Variants in SNTG2 observed in about 807,000 individuals in gnomAD.
SNTG2 encodes the protein syntrophin gamma 2.
A neutral mutation model predicts 70.9 loss-of-function variants in SNTG2; 74 were observed. The observed-to-expected ratio is 1.04, with a 90% CI of 0.86 to 1.27. The LOEUF (loss-of-function observed/expected upper bound fraction) is 1.27. Ranked by LOEUF, SNTG2 falls within the 50% of genes most tolerant of loss-of-function variation. The pLI is 0.00. For synonymous variants in SNTG2, 278 were observed against 273.8 expected (o/e 1.02, Z -0.15); for missense variants, 717 against 690.7 (o/e 1.04, Z -0.43).
chr2:1,173,552 G>A (rs1443373423), intron 8 of SNTG2, among the ~76,000 whole-genome samples: 2 of 152,240 alleles, frequency 1.3e-5, no homozygotes, highest in Non-Finnish European at 2.9e-5. Context: ...CACCTAAGGA[G>A]GTATGAACAC....
chr2:1,000,300 T>C (rs1347636601), intron 1 of SNTG2, among the ~76,000 whole-genome samples: 2 of 151,414 alleles, frequency 1.3e-5, no homozygotes, highest in African/African-American at 2.4e-5. Context: ...CCAAATAAAA[T>C]TGAGACCAAA....
At chr2:985,245 G>C (rs540632557) in intron 1 of SNTG2, among the ~76,000 whole-genome samples, 1 of 152,062 alleles carries the variant, frequency 6.6e-6, no homozygotes, top group South Asian at 2.1e-4. Context: ...AAAGAAAAGC[G>C]ACGGAAATGC....
intron 8 of SNTG2, among the ~76,000 whole-genome samples, chr2:1,204,450 C>T (rs986231885): frequency 6.6e-6 from 1 of 152,218 alleles, no homozygotes; most frequent in Admixed American, 6.5e-5. Flanking sequence ...TGATGCCTCT[C>T]TTATCTGTAG....
At chr2:1,057,118 GCAAGCA>G (rs1205915591) in intron 1 of SNTG2, among the ~76,000 whole-genome samples, 7 of 152,054 alleles carry the variant, frequency 4.6e-5, no homozygotes, top group Non-Finnish European at 8.8e-5. Context: ...GGCCTGTCCT[GCAAGCA>G]GCTGGCCTAT....
chr2:951,107 C>A, intron 1 of SNTG2, 39 bp downstream of exon 1: 1 of 1,084,614 alleles, frequency 9.2e-7, no homozygotes, highest in Non-Finnish European at 1.2e-6. Context: ...CCTCCGGCCC[C>A]CCTTCCCTCT....
At chr2:1,105,936 G>A (rs1666096962) in intron 4 of SNTG2, among the ~76,000 whole-genome samples, 1 of 152,206 alleles carries the variant, frequency 6.6e-6, no homozygotes, top group Admixed American at 6.5e-5. Context: ...CCCTGACCCC[G>A]AGGCCTCTCA....
At chr2:1,118,898 T>G (rs536638614) in intron 4 of SNTG2, among the ~76,000 whole-genome samples, 39 of 152,278 alleles carry the variant, frequency 2.6e-4, no homozygotes, top group African/African-American at 8.2e-4. Context: ...TTGGGAGAGA[T>G]ATGGGCATTC....
chr2:1,214,679 GCAAA>G (rs1674264783), intron 9 of SNTG2, among the ~76,000 whole-genome samples: 3 of 152,070 alleles, frequency 2.0e-5, no homozygotes, highest in East Asian at 3.9e-4. Context: ...TATGTCATCA[GCAAA>G]CAGAGACAAT....
chr2:1,304,783 T>C (rs1433107458), intron 14 of SNTG2, among the ~76,000 whole-genome samples: 1 of 152,114 alleles, frequency 6.6e-6, no homozygotes, highest in Non-Finnish European at 1.5e-5. Flanking sequence ...TTTTTCTTTC[T>C]TTTTTTAACT....
chr2:1,237,413 G>A (rs894524546), intron 9 of SNTG2, among the ~76,000 whole-genome samples: 1 of 152,174 alleles, frequency 6.6e-6, no homozygotes, highest in Non-Finnish European at 1.5e-5. Flanking sequence ...TTCTCAGCAA[G>A]TGGAGTGTCA....
At chr2:1,357,846 C>T (rs1293722459) in intron 16 of SNTG2, among the ~76,000 whole-genome samples, 3 of 151,328 alleles carry the variant, frequency 2.0e-5, no homozygotes, top group Admixed American at 6.6e-5. Flanking sequence ...TCTTCTGTGG[C>T]ATCATTTATG....
chr2:974,261 A>G lies in SNTG2; in HGVS notation c.72+23193A>G, dbSNP rs576599300. Reference sequence around the variant, plus strand: ...GGGCTGCTCCTTCTGTGGGCTCATGAGCCATGGCGCTGGAGAGCTTTGCCC... The same window carrying G: ...GGGCTGCTCCTTCTGTGGGCTCATGGGCCATGGCGCTGGAGAGCTTTGCCC... On this transcript the variant is annotated intron_variant, in intron 1 of 16. Transcript: ENST00000308624. Among the ~76,000 whole-genome samples, 25 of 152,166 alleles carry G rather than the reference A, an allele frequency of 1.6e-4. 1 individual carries two copies. Among genetic ancestry groups the G allele is most frequent in the Middle Eastern group, 6.8e-3 (2 of 294 alleles).
At chr2:1,324,291 C>T (rs923048561) in intron 16 of SNTG2, among the ~76,000 whole-genome samples, 4 of 152,194 alleles carry the variant, frequency 2.6e-5, no homozygotes, top group African/African-American at 7.2e-5. Context: ...CTCTGATTTT[C>T]ATAGCTGCTG....
At position 1,038,625 on chromosome 2, in the gene SNTG2, G is replaced by A. The variant is rs1661263648; in HGVS notation, c.73-44893G>A. Among the ~76,000 whole-genome samples the A allele has an allele frequency of 2.6e-5, 4 of 152,186 alleles. No individual in the cohort carries two copies. The South Asian group carries it at 8.3e-4, about 32-fold the overall frequency. ...AAGATAAATCTTAGCTATTATTCGAGAGGATTTATCTTCTAAAGAACTTGC... is the reference window on the plus strand; with the variant it reads ...AAGATAAATCTTAGCTATTATTCGAAAGGATTTATCTTCTAAAGAACTTGC... On this transcript the variant is annotated intron_variant, in intron 1 of 16. Coordinates refer to ENST00000308624, the MANE Select transcript of SNTG2 (RefSeq NM_018968.4).
intron 15 of SNTG2, among the ~76,000 whole-genome samples, chr2:1,310,869 A>C (rs930888426): frequency 3.9e-5 from 6 of 152,218 alleles, no homozygotes; most frequent in African/African-American, 1.2e-4. Context: ...AATGCTGTGC[A>C]AGATGGGGTT....
chr2:985,715 G>A (rs1289879023), intron 1 of SNTG2, among the ~76,000 whole-genome samples: 3 of 152,128 alleles, frequency 2.0e-5, no homozygotes, highest in Non-Finnish European at 4.4e-5. Context: ...TAAGTAACCC[G>A]TCTTCTGATA....
At chr2:1,015,384 C>T (rs770222401) in intron 1 of SNTG2, among the ~76,000 whole-genome samples, 17 of 152,200 alleles carry the variant, frequency 1.1e-4, no homozygotes, top group Admixed American at 2.0e-4. Flanking sequence ...TATTATTTTT[C>T]AAAAACACAC....
In SNTG2 at chr2:1,235,552, CACCAGGCACCCCCG is replaced by C. The variant is rs1180197324; in HGVS notation, c.720-2334_720-2321del. ...GCTGCCCTGAGGTCCCTGCAGGCCC[CACCAGGCACCCCCG>C]ATTCATGAGAGGGGGGACCCCTGCC... On this transcript the variant is annotated intron_variant, in intron 9 of 16. Coordinates refer to ENST00000308624, the MANE Select transcript of SNTG2 (RefSeq NM_018968.4). Among the ~76,000 whole-genome samples, 36 of 86,242 alleles carry C rather than the reference CACCAGGCACCCCCG, an allele frequency of 4.2e-4. No homozygotes were observed. In the East Asian group the frequency reaches 0.01, roughly 25 times the overall value. 56.6% of individuals were successfully genotyped at this position (86,242 alleles called of 152,430 possible).
chr2:1,062,640 T>C (rs543133145), intron 1 of SNTG2, among the ~76,000 whole-genome samples: 3 of 152,346 alleles, frequency 2.0e-5, no homozygotes, highest in African/African-American at 7.2e-5. Flanking sequence ...AACTCTACCT[T>C]ATGACTCTTC....
Sources: gnomAD v4.1 joint callset for allele counts (sites outside exome capture counted in the v4.1 genomes callset) on GRCh38, gnomAD v4.1.1 for gene constraint, MANE v1.5 for transcripts, NCBI Gene and HGNC (gene_info 2026-07-23, HGNC 2026-07-21) for gene names.